NR3C2: variants seen among roughly 807,000 people sequenced by gnomAD.
NR3C2 encodes nuclear receptor subfamily 3 group C member 2.
NR3C2 carries 15 observed loss-of-function variants against 86.4 expected under a neutral mutation model. The ratio of observed to expected loss-of-function variants is 0.17; its 90% CI spans 0.12 to 0.27. The LOEUF (loss-of-function observed/expected upper bound fraction) is 0.27, where lower values mean the gene tolerates loss of function less well. Among genes scored for constraint, NR3C2 ranks in the 10% least tolerant of loss-of-function variants. The probability of loss-of-function intolerance (pLI) is 1.00; values close to 1 mark genes in which losing one functional copy is unlikely to be tolerated. For synonymous variants in NR3C2, 458 were observed against 450.5 expected (o/e 1.02, Z -0.21); for missense variants, 960 against 1,195.6 (o/e 0.80, Z 2.91).
chr4:148,370,179 C>T (rs1015486091), intron 2 of NR3C2, among the ~76,000 whole-genome samples: 8 of 152,216 alleles, frequency 5.3e-5, no homozygotes, highest in African/African-American at 1.9e-4. Context: ...AGCAGAGCTT[C>T]TGCTTCCTAC....
Position 148,081,261 on chromosome 4 carries a change from TTAAAAACAGG to T in NR3C2, c.*73_*82del, listed in dbSNP as rs1221524531. The T allele has an allele frequency of 5.1e-6, 8 of 1,565,876 alleles. No homozygotes were observed. The highest frequency in any genetic ancestry group is 1.7e-4 in the Middle Eastern group (1 of 5,984). On this transcript the variant is annotated 3_prime_UTR_variant, in exon 9 of 9. Transcript: ENST00000358102. ...ACAAGTGTGAATCAACCATCACATG[TTAAAAACAGG>T]TTTTCTTGGGTCCTTCTGGGTGTGG...
At chr4:148,116,307 A>G (rs1408799003) in intron 7 of NR3C2, among the ~76,000 whole-genome samples, 4 of 152,246 alleles carry the variant, frequency 2.6e-5, no homozygotes, top group African/African-American at 9.6e-5. Context: ...TGTAACTGAA[A>G]TATATTGTAC....
intron 2 of NR3C2, among the ~76,000 whole-genome samples, chr4:148,342,110 T>C (rs1240004890): frequency 6.6e-6 from 1 of 152,100 alleles, no homozygotes; most frequent in African/African-American, 2.4e-5. Flanking sequence ...ACAGTCCCAC[T>C]GATAACAACA....
chr4:148,436,436 T>A lies in NR3C2; in HGVS notation c.425A>T (p.Lys142Ile). The change falls in exon 2 of 9, where the codon AAA (lysine) becomes ATA (isoleucine). Residue 142 changes from lysine to isoleucine, a missense_variant. Transcript: ENST00000358102. ...KIYQNVEQLV[K>I]FYKGNGHRPS... is the part of the protein sequence containing the mutation. Reference sequence around the variant, plus strand: ...ACGATGGCCATTTCCTTTGTAAAATTTCACCAGCTGTTCAACATTCTGATA... The same window carrying A: ...ACGATGGCCATTTCCTTTGTAAAATATCACCAGCTGTTCAACATTCTGATA... 6.2e-7 allele frequency: 1 copy of A among 1,614,174 alleles called. No individual in the cohort carries two copies. The highest frequency in any genetic ancestry group is 8.5e-7 in the Non-Finnish European group (1 of 1,180,026).
rs1732172672 is a variant in NR3C2 at position 148,114,212 on chromosome 4, T to C, written c.2691A>G (p.Thr897=). 1.2e-6 allele frequency: 2 copies of C among 1,613,902 alleles called. No homozygotes were observed. The highest frequency in any genetic ancestry group is 1.7e-5 in the Admixed American group (1 of 59,994). ...TCTTCCTCAGTTCTTTGATGTAATT[T>C]GTCCTCATTTCTTCAAATGCAGCCT... ...KSQAAFEEMR[T]NYIKELRKMV... is the part of the protein sequence containing the mutation. Residue 897 remains threonine, a synonymous_variant, in exon 8 of 9, where the codon ACA becomes ACG. Coordinates refer to ENST00000358102, the MANE Select transcript of NR3C2 (RefSeq NM_000901.5).
At chr4:148,430,814 T>C (rs1369931951) in intron 2 of NR3C2, among the ~76,000 whole-genome samples, 1 of 152,128 alleles carries the variant, frequency 6.6e-6, no homozygotes, top group Non-Finnish European at 1.5e-5. Context: ...TGATGTTTGG[T>C]TTGTCATATA....
intron 2 of NR3C2, among the ~76,000 whole-genome samples, chr4:148,269,003 A>G (rs1039113387): frequency 6.6e-6 from 1 of 152,210 alleles, no homozygotes; most frequent in African/African-American, 2.4e-5. Context: ...GACAAGAGAA[A>G]GGCTGGAATG....
At chr4:148,143,670 G>A (rs534968491) in intron 6 of NR3C2, among the ~76,000 whole-genome samples, 1 of 152,312 alleles carries the variant, frequency 6.6e-6, no homozygotes, top group Non-Finnish European at 1.5e-5. Flanking sequence ...AACAGGCTGG[G>A]CGCGGTGGCT....
At chr4:148,243,040 T>TA (rs72278442) in intron 3 of NR3C2, among the ~76,000 whole-genome samples, 312 of 151,182 alleles carry the variant, frequency 2.1e-3, no homozygotes, top group African/African-American at 7.2e-3. Context: ...TTTTTTTTTT[T>TA]AATTTTTAGA....
chr4:148,402,283 G>A (rs536832698), intron 2 of NR3C2, among the ~76,000 whole-genome samples: 2 of 152,164 alleles, frequency 1.3e-5, no homozygotes, highest in East Asian at 3.8e-4. Context: ...GGAAAAACTG[G>A]AAGTAGGGGA....
intron 2 of NR3C2, among the ~76,000 whole-genome samples, chr4:148,376,378 A>T (rs1746681662): frequency 6.6e-6 from 1 of 152,212 alleles, no homozygotes; most frequent in African/African-American, 2.4e-5. Flanking sequence ...CCCAACAGGA[A>T]GAACAAAGGG....
chr4:148,321,735 A>T (rs1241392216), intron 2 of NR3C2, among the ~76,000 whole-genome samples: 3 of 152,084 alleles, frequency 2.0e-5, no homozygotes, highest in Admixed American at 2.0e-4. Context: ...TTCTTGGTAG[A>T]TCTTCCTCCA....
At chr4:148,239,120 C>T (rs1246364066) in intron 3 of NR3C2, among the ~76,000 whole-genome samples, 2 of 152,138 alleles carry the variant, frequency 1.3e-5, no homozygotes, top group African/African-American at 2.4e-5. Context: ...TTCCAAAGTT[C>T]GTATATGATG....
intron 4 of NR3C2, among the ~76,000 whole-genome samples, chr4:148,172,374 G>T (rs923051722): frequency 2.0e-5 from 3 of 152,110 alleles, no homozygotes; most frequent in African/African-American, 7.2e-5. Flanking sequence ...GGACTGAAGA[G>T]ATATAAGCCT....
In NR3C2 at chr4:148,436,578, T is replaced by C. The variant is rs1187985321; in HGVS notation, c.283A>G (p.Lys95Glu). 2.5e-6 allele frequency: 4 copies of C among 1,614,102 alleles called. No homozygotes were observed. The highest frequency in any genetic ancestry group is 3.4e-6 in the Non-Finnish European group (4 of 1,180,050). ...TCAGCTACAGTTGCTGAAAGTTCCT[T>C]AGATTCCAGCTCAGTTTTAATATCA... ...TSDIKTELES[K>E]ELSATVAESM... is the part of the protein sequence containing the mutation. The change falls in exon 2 of 9, where the codon AAG (lysine) becomes GAG (glutamate). Residue 95 changes from lysine (K) to glutamate (E), a missense_variant. Lys to Glu is a moderately conservative substitution (Grantham distance 56). Around this residue, in one of 4 missense-constraint regions of NR3C2, gnomAD observed 680 missense variants for 719.0 expected, o/e 0.95. Coordinates refer to ENST00000358102, the MANE Select transcript of NR3C2 (RefSeq NM_000901.5).
intron 2 of NR3C2, among the ~76,000 whole-genome samples, chr4:148,322,205 C>A (rs1390344615): frequency 6.7e-6 from 1 of 148,914 alleles, no homozygotes; most frequent in South Asian, 2.2e-4. Context: ...TGAATATTGG[C>A]CCCCACTCTC....
intron 2 of NR3C2, among the ~76,000 whole-genome samples, chr4:148,264,877 C>T (rs1740297824): frequency 6.6e-6 from 1 of 152,096 alleles, no homozygotes; most frequent in South Asian, 2.1e-4. Context: ...AATTATATAA[C>T]ACTTAAAATC....
chr4:148,357,290 T>C (rs1051399255), intron 2 of NR3C2, among the ~76,000 whole-genome samples: 5 of 152,304 alleles, frequency 3.3e-5, no homozygotes, highest in Admixed American at 1.3e-4. Context: ...AATCCATTCA[T>C]TTCTGTAGTA....
At chr4:148,248,157 T>A (rs1404357486) in intron 3 of NR3C2, among the ~76,000 whole-genome samples, 1 of 152,222 alleles carries the variant, frequency 6.6e-6, no homozygotes, top group African/African-American at 2.4e-5. Flanking sequence ...AGAAATGGCA[T>A]GACTATAACA....
Sources: gnomAD v4.1 joint callset for allele counts (sites outside exome capture counted in the v4.1 genomes callset) on GRCh38, gnomAD v4.1.1 for gene constraint, gnomAD v4.1.1 regional missense constraint, MANE v1.5 for transcripts, NCBI Gene and HGNC (gene_info 2026-07-23, HGNC 2026-07-21) for gene names.